The following MARCHF11 variants were observed in gnomAD, a reference collection of about 807,000 sequenced individuals.
MARCHF11 encodes E3 ubiquitin-protein ligase MARCHF11.
Under a neutral mutation model 37.3 loss-of-function variants are expected in MARCHF11, and 29 were observed. The ratio of observed to expected loss-of-function variants is 0.78; its 90% CI spans 0.58 to 1.06. The LOEUF (loss-of-function observed/expected upper bound fraction) is 1.06. MARCHF11 is among the 50% of genes least tolerant of loss of function. The pLI is 0.00. For synonymous variants in MARCHF11, 233 were observed against 228.0 expected, an observed-to-expected ratio of 1.02 and a Z score of -0.20; for missense variants, 482 against 533.4, an observed-to-expected ratio of 0.90 and a Z score of 0.95.
intron 2 of MARCHF11, among the ~76,000 whole-genome samples, chr5:16,094,178 T>C (rs910894846): frequency 6.6e-6 from 1 of 152,196 alleles, no homozygotes; most frequent in African/African-American, 2.4e-5. Flanking sequence ...TCTACCATTA[T>C]GTGCAAAAAG....
At chr5:16,138,554 G>A (rs1205806531) in intron 2 of MARCHF11, among the ~76,000 whole-genome samples, 1 of 152,186 alleles carries the variant, frequency 6.6e-6, no homozygotes, top group African/African-American at 2.4e-5. Context: ...TCCCACTGTG[G>A]CACCACCTGG....
At chr5:16,070,025 T>C (rs985785961) in intron 3 of MARCHF11, among the ~76,000 whole-genome samples, 5 of 152,222 alleles carry the variant, frequency 3.3e-5, no homozygotes, top group Non-Finnish European at 1.5e-5. Flanking sequence ...GCCCAGTTAC[T>C]ATATATGACC....
At chr5:16,131,022 G>GA (rs1326198652) in intron 2 of MARCHF11, among the ~76,000 whole-genome samples, 1 of 152,158 alleles carries the variant, frequency 6.6e-6, no homozygotes, top group Non-Finnish European at 1.5e-5. Flanking sequence ...ATATACATGT[G>GA]AAAGCCAGCA....
chr5:16,179,342 TC>T lies in MARCHF11; in HGVS notation c.233del (p.Gly78GlufsTer106). ...GGGGCGGAGGCGGCAGCTCGTCCGC[TC>T]CCCTGCACCGCGGGGCCACCTCCCC... ...PLGEVAPRCR[G>X]ADELPPPPLP... On this transcript the variant is annotated frameshift_variant, in exon 1 of 4. Coordinates refer to ENST00000332432, the MANE Select transcript of MARCHF11 (RefSeq NM_001102562.3). LOFTEE classifies it high-confidence loss of function. 1 of 1,192,724 alleles carries T rather than the reference TC, an allele frequency of 8.4e-7. No homozygotes were observed. The highest frequency in any genetic ancestry group is 1.0e-6 in the Non-Finnish European group (1 of 963,938). The allele number at this position is 1,192,724 out of a possible 1,614,324, so 73.9% of individuals were successfully genotyped here.
At chr5:16,115,798 T>C (rs1406106689) in intron 2 of MARCHF11, among the ~76,000 whole-genome samples, 1 of 152,134 alleles carries the variant, frequency 6.6e-6, no homozygotes, top group Non-Finnish European at 1.5e-5. Context: ...TGGCTAATTT[T>C]GTATTTTCAG....
chr5:16,110,441 C>A lies in MARCHF11; in HGVS notation c.694-19360G>T, dbSNP rs565407099. 3.3e-5 allele frequency among the ~76,000 whole-genome samples: 5 copies of A among 152,256 alleles called. No homozygotes were observed. The East Asian group carries it at 5.8e-4, about 18-fold the overall frequency. On this transcript the variant is annotated intron_variant, in intron 2 of 3. Coordinates refer to ENST00000332432, the MANE Select transcript of MARCHF11 (RefSeq NM_001102562.3). ...TTTTGCACTGCTGACTTACAGGCTG[C>A]TACTCATGAGCAAAGAGCAGCATCT...
intron 2 of MARCHF11, among the ~76,000 whole-genome samples, chr5:16,093,090 A>C (rs975472924): frequency 1.3e-5 from 2 of 152,192 alleles, no homozygotes; most frequent in African/African-American, 4.8e-5. Context: ...GCAATTTATT[A>C]GTCACATCAG....
intron 2 of MARCHF11, among the ~76,000 whole-genome samples, chr5:16,115,520 C>A (rs1737214385): frequency 6.6e-6 from 1 of 152,128 alleles, no homozygotes; most frequent in Admixed American, 6.5e-5. Flanking sequence ...ATTCAGAAAG[C>A]TTCCATGGTA....
At chr5:16,114,026 T>A (rs1162412339) in intron 2 of MARCHF11, among the ~76,000 whole-genome samples, 1 of 151,190 alleles carries the variant, frequency 6.6e-6, no homozygotes, top group Non-Finnish European at 1.5e-5. Context: ...CTCCCCCATA[T>A]GATTGCGAAA....
At chr5:16,143,823 G>A (rs1193792148) in intron 2 of MARCHF11, among the ~76,000 whole-genome samples, 6 of 152,238 alleles carry the variant, frequency 3.9e-5, no homozygotes, top group Non-Finnish European at 8.8e-5. Flanking sequence ...CACCCCCAGA[G>A]AGAGACTCTG....
chr5:16,144,566 G>A (rs1475722715), intron 2 of MARCHF11, among the ~76,000 whole-genome samples: 1 of 152,062 alleles, frequency 6.6e-6, no homozygotes, highest in Admixed American at 6.6e-5. Flanking sequence ...TGGATTTGGG[G>A]GTTTTAACTT....
At chr5:16,154,551 T>G (rs1272419872) in intron 2 of MARCHF11, among the ~76,000 whole-genome samples, 1 of 151,916 alleles carries the variant, frequency 6.6e-6, no homozygotes, top group Non-Finnish European at 1.5e-5. Context: ...CCAATTACAT[T>G]GTAAGTTATG....
intron 1 of MARCHF11, 61 bp downstream of exon 1, chr5:16,178,978 A>G (rs1738412890): frequency 7.3e-7 from 1 of 1,363,402 alleles, no homozygotes; most frequent in Non-Finnish European, 9.4e-7. Context: ...GTGGTGCTGA[A>G]AGCTTGACCG....
At chr5:16,111,462 G>A (rs1466892943) in intron 2 of MARCHF11, among the ~76,000 whole-genome samples, 1 of 152,202 alleles carries the variant, frequency 6.6e-6, no homozygotes, top group African/African-American at 2.4e-5. Context: ...TGCTGCCCTA[G>A]AGATTTATGG....
Position 16,179,250 on chromosome 5 carries a change from A to G in MARCHF11, c.326T>C (p.Leu109Pro). The G allele has an allele frequency of 7.4e-7, 1 of 1,343,074 alleles. No homozygotes were observed. Among genetic ancestry groups the G allele is most frequent in the Non-Finnish European group, 9.6e-7 (1 of 1,046,530 alleles). The allele number at this position is 1,343,074 out of a possible 1,614,324, so 83.2% of individuals were successfully genotyped here. A position where few individuals can be genotyped will look rare whatever the true frequency, so the allele number is the denominator to read the frequency against. ...AGDSGEGPRR[L>P]PEAAAAKGGP... is the part of the protein sequence containing the mutation. ...GCCTTTCGCTGCTGCCGCCTCCGGG[A>G]GGCGCCTCGGACCTTCCCCGGAGTC... Residue 109 changes from leucine (L) to proline (P), a missense_variant, in exon 1 of 4, where the codon CTC becomes CCC. Coordinates refer to ENST00000332432, the MANE Select transcript of MARCHF11 (RefSeq NM_001102562.3).
rs190816863 is a variant in MARCHF11 at position 16,155,203 on chromosome 5, T to C, written c.693+22523A>G. On this transcript the variant is annotated intron_variant, in intron 2 of 3. Transcript: ENST00000332432. ...TTAAGTGAAAGACACTATAGAACAA[T>C]GCAGGTAGAAGTTTCTCATTTGGTG... Among the ~76,000 whole-genome samples the C allele has an allele frequency of 2.0e-5, 3 of 151,948 alleles. No homozygotes were observed. The East Asian group carries it at 5.8e-4, about 30-fold the overall frequency.
intron 2 of MARCHF11, among the ~76,000 whole-genome samples, chr5:16,162,320 G>C (rs1738092850): frequency 6.6e-6 from 1 of 151,828 alleles, no homozygotes; most frequent in Non-Finnish European, 1.5e-5. Context: ...CCTTTATCAA[G>C]GCTTTTTACA....
chr5:16,156,070 T>A (rs1423996431), intron 2 of MARCHF11, among the ~76,000 whole-genome samples: 1 of 151,996 alleles, frequency 6.6e-6, no homozygotes, highest in African/African-American at 2.4e-5. Context: ...CAGTTTGCTA[T>A]GCTATCAAGT....
intron 2 of MARCHF11, among the ~76,000 whole-genome samples, chr5:16,120,903 C>G (rs1737299683): frequency 6.6e-6 from 1 of 152,152 alleles, no homozygotes; most frequent in Admixed American, 6.5e-5. Flanking sequence ...CAGTCAAGAC[C>G]AAAAGAACTG....
Sources: allele counts gnomAD v4.1 joint callset (sites outside exome capture counted in the v4.1 genomes callset), GRCh38; gene constraint gnomAD v4.1.1; transcripts MANE v1.5; gene names NCBI Gene and HGNC (gene_info 2026-07-23, HGNC 2026-07-21).